BICDL2: variants seen among roughly 807,000 people sequenced by gnomAD.
BICDL2 encodes BICD family-like cargo adapter 2.
In BICDL2, 62 loss-of-function variants were observed where a neutral mutation model predicts 56.6. That is an observed-to-expected ratio of 1.10 (90% CI 0.89 to 1.35). BICDL2 has a LOEUF of 1.35. BICDL2 is among the 40% of genes most tolerant of loss of function. The pLI, the probability that BICDL2 is intolerant of heterozygous loss-of-function variation, is 0.00. For missense variants in BICDL2, 808 were observed against 684.5 expected, an observed-to-expected ratio of 1.18 and a Z score of -2.01; for synonymous variants, 358 against 319.8, an observed-to-expected ratio of 1.12 and a Z score of -1.27.
At position 3,031,070 on chromosome 16, in the gene BICDL2, C is replaced by T; in HGVS notation, c.363G>A (p.Leu121=). 1 of 1,537,450 alleles carries T rather than the reference C, an allele frequency of 6.5e-7. No homozygotes were observed. ...GAEWEARAVE[L]EGDVEALRAQ... Reference sequence around the variant, plus strand: ...CCCGCAGGGCCTCCACGTCCCCCTCCAGCTCCACGGCCCGGGCCTCCCACT... The same window carrying T: ...CCCGCAGGGCCTCCACGTCCCCCTCTAGCTCCACGGCCCGGGCCTCCCACT... The change falls in exon 3 of 10, where the codon CTG becomes CTA. Residue 121 remains leucine (L), a synonymous_variant. Coordinates refer to ENST00000572449, the MANE Select transcript of BICDL2 (RefSeq NM_001369667.1).
Position 3,035,287 on chromosome 16 carries a change from C to T in BICDL2, c.210G>A (p.Met70Ile), listed in dbSNP as rs553007140. 2 of 1,555,606 alleles carry T rather than the reference C, an allele frequency of 1.3e-6. No individual in the cohort carries two copies. The highest frequency in any genetic ancestry group is 1.9e-5 in the Admixed American group (1 of 51,470). ...GCAGCTCTTCATTTCGCTCCAGAAG[C>T]ATCTTGCCGAGCTCCGCGGCCAACA... ...DLLLAAELGK[M>I]LLERNEELRR... is the part of the protein sequence containing the mutation. The change falls in exon 2 of 10, where the codon ATG becomes ATA. Residue 70 changes from methionine (M) to isoleucine (I), a missense_variant. Met to Ile is a conservative substitution (Grantham distance 10). Coordinates refer to ENST00000572449, the MANE Select transcript of BICDL2 (RefSeq NM_001369667.1).
rs1448835674 is a variant in BICDL2 at position 3,035,649 on chromosome 16, A to G, written c.-30-123T>C. On this transcript the variant is annotated intron_variant, in intron 1 of 9. Transcript: ENST00000572449. ...CTGCAGCCAGGGCTTCCTGGGCCAC[A>G]AAGGGTTAATGACCTGTGTTTTGGC... The G allele has an allele frequency of 3.6e-6, 3 of 837,452 alleles. No homozygotes were observed. In the Admixed American group the frequency reaches 8.7e-5, roughly 24 times the overall value. The allele number at this position is 837,452 out of a possible 1,614,324, so 51.9% of individuals were successfully genotyped here.
chr16:3,032,427 C>T (rs1024497963), intron 2 of BICDL2: 5 of 152,272 alleles, frequency 3.3e-5, no homozygotes, highest in African/African-American at 1.2e-4. Context: ...ACACTGCTAT[C>T]AATCCTCCCA....
In BICDL2 at chr16:3,030,771, G is replaced by A. The variant is rs934795922; in HGVS notation, c.540C>T (p.Ala180=). The part of the protein sequence containing the change: ...TEQELQRELD[A]LRGQCQAQAL... ...CCTGAGCCTGGCACTGTCCCCGAAG[G>A]GCGTCCAGTTCCCTCTGAAGTTCCT... is the stretch of plus-strand genomic sequence containing the variant. The change falls in exon 4 of 10, where the codon GCC becomes GCT. Residue 180 remains alanine (A), a synonymous_variant. Coordinates refer to ENST00000572449, the MANE Select transcript of BICDL2 (RefSeq NM_001369667.1). 6.2e-7 allele frequency: 1 copy of A among 1,612,308 alleles called. No individual in the cohort carries two copies. The highest frequency in any genetic ancestry group is 8.5e-7 in the Non-Finnish European group (1 of 1,179,710).
In BICDL2 at chr16:3,029,628, C is replaced by CCGACACGT; in HGVS notation, c.866_873dup (p.Ala292ThrfsTer53). On this transcript the variant is annotated frameshift_variant, in exon 6 of 10. Transcript: ENST00000572449. LOFTEE classifies it high-confidence loss of function. ...GCCAGTTCTGACTGCAACGAGGCAG[C>CCGACACGT]CGACACGTCGGCGTCCTGGAGGCGT... 1 of 1,536,704 alleles carries CCGACACGT rather than the reference C, an allele frequency of 6.5e-7. No homozygotes were observed. The highest frequency in any genetic ancestry group is 8.7e-7 in the Non-Finnish European group (1 of 1,145,602).
At chr16:3,034,957 G>T (rs567090330) in intron 2 of BICDL2, 76 of 489,366 alleles carry the variant, frequency 1.6e-4, no homozygotes, top group African/African-American at 1.4e-3. Context: ...TGATCTTCCT[G>T]CCTTGGCCTC....
At chr16:3,030,277 C>T (rs1955632707) in intron 5 of BICDL2, 172 bp downstream of exon 5, 3 of 798,116 alleles carry the variant, frequency 3.8e-6, no homozygotes, top group Non-Finnish European at 1.9e-6. Flanking sequence ...GAGCATGCCT[C>T]ACCTGCTCAA....
chr16:3,027,999 G>T lies in BICDL2; in HGVS notation c.*107C>A, dbSNP rs1596479929. 1 of 1,340,334 alleles carries T rather than the reference G, an allele frequency of 7.5e-7. No individual in the cohort carries two copies. Among genetic ancestry groups the T allele is most frequent in the African/African-American group, 1.5e-5 (1 of 64,606 alleles). 83.0% of individuals were successfully genotyped at this position (1,340,334 alleles called of 1,614,324 possible). A position where few individuals can be genotyped will look rare whatever the true frequency, so the allele number is the denominator to read the frequency against. On this transcript the variant is annotated 3_prime_UTR_variant, in exon 10 of 10. Coordinates refer to ENST00000572449, the MANE Select transcript of BICDL2 (RefSeq NM_001369667.1). ...CCCTTGCCCAGCATCCTGGGGCGGG[G>T]AGGGCATCAGCTTCTTTTGGAAGAC...
At position 3,035,468 on chromosome 16, in the gene BICDL2, G is replaced by C; in HGVS notation, c.29C>G (p.Pro10Arg). Reference sequence around the variant, plus strand: ...GGCGCCCCCTGAGAGCGGCCCGGACGGGAAGCTGGGCCCATCTGGAGAGCT... The same window carrying C: ...GGCGCCCCCTGAGAGCGGCCCGGACCGGAAGCTGGGCCCATCTGGAGAGCT... MSSPDGPSF[P>R]SGPLSGGASP... Residue 10 changes from proline to arginine, a missense_variant, in exon 2 of 10, where the codon CCG (proline) becomes CGG (arginine). Pro to Arg is a moderately radical substitution (Grantham distance 103). Coordinates refer to ENST00000572449, the MANE Select transcript of BICDL2 (RefSeq NM_001369667.1). 1 of 1,611,366 alleles carries C rather than the reference G, an allele frequency of 6.2e-7. No homozygotes were observed. The highest frequency in any genetic ancestry group is 1.7e-4 in the Middle Eastern group (1 of 5,850).
chr16:3,028,542 G>A, intron 8 of BICDL2, 74 bp from the exon 9 acceptor site: 1 of 1,544,228 alleles, frequency 6.5e-7, no homozygotes, highest in Non-Finnish European at 8.7e-7. Flanking sequence ...GGGGACTTCT[G>A]TACCCGGGCG....
intron 2 of BICDL2, chr16:3,032,402 T>C (rs1389853890): frequency 3.9e-5 from 6 of 152,230 alleles, no homozygotes; most frequent in African/African-American, 1.4e-4. Context: ...ACAATATCTC[T>C]AAGTCTATCC....
chr16:3,028,871 T>C, intron 7 of BICDL2, 41 bp from the exon 8 acceptor site: 1 of 1,514,610 alleles, frequency 6.6e-7, no homozygotes, highest in Non-Finnish European at 8.8e-7. Context: ...GATGGGCCAA[T>C]GGGCCTCCCT....
At chr16:3,030,284 TCAACAGCCTTCCGTGGCTC>T in intron 5 of BICDL2, 146 bp downstream of exon 5, 2 of 851,498 alleles carry the variant, frequency 2.3e-6, no homozygotes, top group Non-Finnish European at 3.5e-6. Context: ...CCTCACCTGC[TCAACAGCCTTCCGTGGCTC>T]CCATTTGCCC....
Position 3,028,188 on chromosome 16 carries a change from C to T in BICDL2, c.1445G>A (p.Arg482His), listed in dbSNP as rs1274259115. ...LSASASSSTP[R>H]RAAPRFSLRL... ...CAGCGAGAAGCGGGGCGCGGCACGG[C>T]GCGGGGTCGACGACGACGCGGAGGC... Residue 482 changes from arginine (R) to histidine (H), a missense_variant, in exon 10 of 10, where the codon CGC becomes CAC. Transcript: ENST00000572449. 2.1e-6 allele frequency: 3 copies of T among 1,457,640 alleles called. No homozygotes were observed. Among genetic ancestry groups the T allele is most frequent in the Non-Finnish European group, 2.7e-6 (3 of 1,115,412 alleles). The allele number at this position is 1,457,640 out of a possible 1,614,324, so 90.3% of individuals were successfully genotyped here.
At chr16:3,032,477 T>C (rs2526279) in intron 2 of BICDL2, 89,719 of 152,118 alleles carry the variant, frequency 0.59, 26,777 homozygotes, top group Non-Finnish European at 0.61. Flanking sequence ...CTGCTGTCAG[T>C]GGCACGTGAG....
At chr16:3,030,852 A>T in intron 3 of BICDL2, 40 bp from the exon 4 acceptor site, 1 of 1,571,012 alleles carries the variant, frequency 6.4e-7, no homozygotes, top group Non-Finnish European at 8.6e-7. Flanking sequence ...CCTCAGCACC[A>T]AGCCCAATGC....
At chr16:3,030,016 T>A in intron 5 of BICDL2, 1 of 510,038 alleles carries the variant, frequency 2.0e-6, no homozygotes, top group East Asian at 3.4e-5. Flanking sequence ...TCATGCAGCA[T>A]TTATTGGTGC....
intron 2 of BICDL2, 39 bp downstream of exon 2, chr16:3,035,176 T>TCCCCCCCTCCCCCCCC: frequency 7.3e-6 from 1 of 136,274 alleles, no homozygotes; most frequent in South Asian, 2.0e-4. Context: ...CGTCCTCCCC[T>TCCCCCCCTCCCCCCCC]GCCCACCCAC....
At chr16:3,035,176 T>TTGGCCGGGGGGGGGGGGGGGGGGGG in intron 2 of BICDL2, 39 bp downstream of exon 2, 7 of 136,274 alleles carry the variant, frequency 5.1e-5, no homozygotes, top group Non-Finnish European at 9.5e-5. Context: ...CGTCCTCCCC[T>TTGGCCGGGGGGGGGGGGGGGGGGGG]GCCCACCCAC....
Sources: gnomAD v4.1 joint callset for allele counts on GRCh38, gnomAD v4.1.1 for gene constraint, MANE v1.5 for transcripts, NCBI Gene and HGNC (gene_info 2026-07-23, HGNC 2026-07-21) for gene names.